Variants in AKAP13 observed in about 807,000 individuals in gnomAD.
The protein encoded by AKAP13 is A-kinase anchoring protein 13.
In AKAP13, 80 loss-of-function variants were observed where a neutral mutation model predicts 264.5. The ratio of observed to expected loss-of-function variants is 0.30; its 90% CI spans 0.25 to 0.36. The LOEUF is 0.36. AKAP13 is among the 10% of genes least tolerant of loss of function. The probability of loss-of-function intolerance (pLI) is 1.00; values close to 1 mark genes in which losing one functional copy is unlikely to be tolerated. For synonymous variants in AKAP13, 1,380 were observed against 1,250.2 expected, an observed-to-expected ratio of 1.10 and a Z score of -2.19; for missense variants, 3,712 against 3,435.2, an observed-to-expected ratio of 1.08 and a Z score of -2.01.
chr15:85,455,771 C>T (rs756881406), intron 1 of AKAP13, among the ~76,000 whole-genome samples: 2 of 151,984 alleles, frequency 1.3e-5, no homozygotes, highest in East Asian at 1.9e-4. Flanking sequence ...TGTCTGACAC[C>T]GAGATAAAAC....
Position 85,743,594 on chromosome 15 carries a change from T to C in AKAP13, c.8161T>C (p.Leu2721=), listed in dbSNP as rs1263695867. 1.1e-5 allele frequency: 18 copies of C among 1,614,056 alleles called. No individual in the cohort carries two copies. Among genetic ancestry groups the C allele is most frequent in the African/African-American group, 2.7e-5 (2 of 74,910 alleles). Reference sequence around the variant, plus strand: ...ACCTTCCATAGCCAAATCAGGGTCATTGGACTCAGAACTTTCAGTGTCCCC... The same window carrying C: ...ACCTTCCATAGCCAAATCAGGGTCACTGGACTCAGAACTTTCAGTGTCCCC... The part of the protein sequence containing the change: ...SAPSIAKSGS[L]DSELSVSPKR... Residue 2721 remains leucine (L), a synonymous_variant, in exon 36 of 37, where the codon TTG becomes CTG. Coordinates refer to ENST00000394518, the MANE Select transcript of AKAP13 (RefSeq NM_007200.5).
At chr15:85,723,596 A>G (rs1487593382) in intron 26 of AKAP13, among the ~76,000 whole-genome samples, 1 of 152,208 alleles carries the variant, frequency 6.6e-6, no homozygotes. Flanking sequence ...AAAGCGTAAG[A>G]TTGGTGCACA....
chr15:85,554,460 A>G (rs1234115075), intron 5 of AKAP13, among the ~76,000 whole-genome samples: 4 of 152,126 alleles, frequency 2.6e-5, no homozygotes, highest in African/African-American at 9.7e-5. Context: ...AATTGTAACT[A>G]TCTCTTAACC....
intron 1 of AKAP13, among the ~76,000 whole-genome samples, chr15:85,476,901 T>G (rs2075181367): frequency 6.6e-6 from 1 of 152,206 alleles, no homozygotes; most frequent in Admixed American, 6.5e-5. Context: ...CTTAATCATG[T>G]GCTGGCCATG....
chr15:85,425,715 CAAAAAAAAAA>C (rs35591622), intron 1 of AKAP13, among the ~76,000 whole-genome samples: 1 of 92,710 alleles, frequency 1.1e-5, no homozygotes, highest in Non-Finnish European at 2.1e-5. Flanking sequence ...GACTCTGTCT[CAAAAAAAAAA>C]AAAAAAAAGA....
chr15:85,578,268 T>TG (rs2079080174), intron 6 of AKAP13, among the ~76,000 whole-genome samples: 1 of 152,210 alleles, frequency 6.6e-6, no homozygotes, highest in South Asian at 2.1e-4. Context: ...GGCCTCAGAA[T>TG]GAGAGAGCCC....
At chr15:85,540,151 C>G (rs1190723068) in intron 4 of AKAP13, among the ~76,000 whole-genome samples, 1 of 152,062 alleles carries the variant, frequency 6.6e-6, no homozygotes, top group Non-Finnish European at 1.5e-5. Context: ...GAGGGAAGAT[C>G]ATGGGCAAAA....
intron 5 of AKAP13, among the ~76,000 whole-genome samples, chr15:85,559,884 C>G (rs1203689696): frequency 6.6e-6 from 1 of 152,000 alleles, no homozygotes; most frequent in Non-Finnish European, 1.5e-5. Context: ...TCACTTATAA[C>G]TTATAATCAC....
intron 1 of AKAP13, among the ~76,000 whole-genome samples, chr15:85,450,146 G>A (rs1233678291): frequency 6.6e-6 from 1 of 151,930 alleles, no homozygotes; most frequent in Non-Finnish European, 1.5e-5. Flanking sequence ...CAGTCTGGGT[G>A]GGGGTGTATG....
At chr15:85,696,760 C>G (rs904249899) in intron 17 of AKAP13, among the ~76,000 whole-genome samples, 1 of 152,162 alleles carries the variant, frequency 6.6e-6, no homozygotes, top group Admixed American at 6.5e-5. Context: ...TAGAAAATTC[C>G]TGAGGGAACT....
chr15:85,680,809 G>C lies in AKAP13; in HGVS notation c.5102-1349G>C, dbSNP rs146239316. Among the ~76,000 whole-genome samples, 394 of 152,126 alleles carry C rather than the reference G, an allele frequency of 2.6e-3. 2 individuals are homozygous for C. Among genetic ancestry groups the C allele is most frequent in the Middle Eastern group, 0.014 (4 of 294 alleles). ...AAGAGTTTCAAATGCGGGTAATCTG[G>C]GAGTTTTTTTGTTTGTTTTTGTTTT... On this transcript the variant is annotated intron_variant, in intron 14 of 36. Transcript: ENST00000394518.
rs1182087356 is a variant in AKAP13, at chr15:85,746,415, G to C, written c.*1738G>C. ...CACTGTTCACTCTGTGTCTTTTGAA[G>C]TGCCTTGAAGGCCCAGATGAAATTT... is the stretch of plus-strand genomic sequence containing the variant. On this transcript the variant is annotated 3_prime_UTR_variant, in exon 37 of 37. Coordinates refer to ENST00000394518, the MANE Select transcript of AKAP13 (RefSeq NM_007200.5). The C allele has an allele frequency of 6.6e-6, 1 of 152,052 alleles. No individual in the cohort carries two copies. Among genetic ancestry groups the C allele is most frequent in the Non-Finnish European group, 1.5e-5 (1 of 68,020 alleles). 9.4% of individuals were successfully genotyped at this position (152,052 alleles called of 1,614,324 possible).
At chr15:85,582,657 TG>T (rs75664469) in intron 7 of AKAP13, among the ~76,000 whole-genome samples, 11,134 of 146,304 alleles carry the variant, frequency 0.076, 731 homozygotes, top group East Asian at 0.37. Context: ...GGTGGTTTTT[TG>T]TTTGTTTGTT....
At chr15:85,719,378 T>A (rs781571641) in intron 23 of AKAP13, 52 bp downstream of exon 23, 4 of 1,597,682 alleles carry the variant, frequency 2.5e-6, no homozygotes, top group Non-Finnish European at 2.6e-6. Flanking sequence ...AAAAGGGAAG[T>A]CATGGGGTTC....
intron 1 of AKAP13, among the ~76,000 whole-genome samples, chr15:85,423,852 A>C (rs2072640849): frequency 6.6e-6 from 1 of 152,226 alleles, no homozygotes; most frequent in African/African-American, 2.4e-5. Flanking sequence ...GGGCTGAAGA[A>C]AGCAAGTGTG....
Position 85,744,631 on chromosome 15 carries a change from G to A in AKAP13, c.8396G>A (p.Gly2799Asp), listed in dbSNP as rs1567228365. ...TTCTTGGTTTTCACATTTCCAGATGGTCCCGCGTCAGAAGTATCAGCAGAG... is the reference window on the plus strand; with the variant it reads ...TTCTTGGTTTTCACATTTCCAGATGATCCCGCGTCAGAAGTATCAGCAGAG... The part of the protein sequence containing the change: ...NKTSRSQPGD[G>D]PASEVSAEGE... The change falls in exon 37 of 37, where the codon GGT becomes GAT. Residue 2799 changes from glycine to aspartate, a missense_variant. Coordinates refer to ENST00000394518, the MANE Select transcript of AKAP13 (RefSeq NM_007200.5). 1 of 1,613,892 alleles carries A rather than the reference G, an allele frequency of 6.2e-7. No individual in the cohort carries two copies. The highest frequency in any genetic ancestry group is 2.2e-5 in the East Asian group (1 of 44,876).
At chr15:85,640,405 C>T (rs897347702) in intron 9 of AKAP13, among the ~76,000 whole-genome samples, 2 of 152,132 alleles carry the variant, frequency 1.3e-5, no homozygotes, top group African/African-American at 4.8e-5. Context: ...CATGTAGATA[C>T]CCTCCAGTAG....
intron 18 of AKAP13, among the ~76,000 whole-genome samples, chr15:85,710,169 T>C (rs1360935981): frequency 2.6e-5 from 4 of 152,170 alleles, no homozygotes; most frequent in African/African-American, 7.2e-5. Context: ...GGAAATGAAA[T>C]GCAAAAGTCA....
chr15:85,508,335 G>T (rs1417797129), intron 2 of AKAP13, among the ~76,000 whole-genome samples: 1 of 151,912 alleles, frequency 6.6e-6, no homozygotes, highest in Non-Finnish European at 1.5e-5. Flanking sequence ...TAGAGATGGG[G>T]TTTTGCTGTG....
Sources: allele counts gnomAD v4.1 joint callset (sites outside exome capture counted in the v4.1 genomes callset), GRCh38; gene constraint gnomAD v4.1.1; transcripts MANE v1.5; gene names NCBI Gene and HGNC (gene_info 2026-07-23, HGNC 2026-07-21).